MCCC1: variants seen among roughly 807,000 people sequenced by gnomAD.
MCCC1 encodes the protein methylcrotonyl-CoA carboxylase subunit 1, also known as methylcrotonoyl-CoA carboxylase subunit alpha, mitochondrial.
MCCC1 carries 64 observed loss-of-function variants against 83.8 expected under a neutral mutation model. The ratio of observed to expected loss-of-function variants is 0.76; its 90% CI spans 0.62 to 0.94. The LOEUF (loss-of-function observed/expected upper bound fraction) is 0.94, where lower values mean the gene tolerates loss of function less well. Among genes scored for constraint, MCCC1 ranks in the 40% least tolerant of loss-of-function variants. The pLI is 0.00. For synonymous variants in MCCC1, 322 were observed against 315.4 expected (o/e 1.02, Z -0.22); for missense variants, 807 against 904.7 (o/e 0.89, Z 1.39).
chr3:183,094,266 T>G (rs1718581054), intron 2 of MCCC1, among the ~76,000 whole-genome samples: 2 of 151,920 alleles, frequency 1.3e-5, no homozygotes, highest in Non-Finnish European at 2.9e-5. Flanking sequence ...TCCAGGCTGG[T>G]CTCGAACTCC....
upstream of MCCC1, among the ~76,000 whole-genome samples, chr3:183,103,263 T>C (rs574476916): frequency 7.2e-5 from 11 of 152,150 alleles, no homozygotes; most frequent in South Asian, 1.9e-3. Flanking sequence ...AGAACAAAGC[T>C]TCCACAGTGT....
upstream of MCCC1, among the ~76,000 whole-genome samples, chr3:183,102,469 T>G (rs1719327946): frequency 6.6e-6 from 1 of 152,118 alleles, no homozygotes; most frequent in Non-Finnish European, 1.5e-5. Context: ...TGATTCACTA[T>G]TAAGAAATCA....
chr3:183,070,335 T>C (rs1716565175), intron 7 of MCCC1, among the ~76,000 whole-genome samples: 4 of 152,150 alleles, frequency 2.6e-5, no homozygotes, highest in Admixed American at 2.6e-4. Context: ...AATGAATTAA[T>C]GGTATATCAA....
chr3:183,091,598 CA>C (rs915867889), intron 3 of MCCC1, among the ~76,000 whole-genome samples: 23 of 151,288 alleles, frequency 1.5e-4, no homozygotes, highest in African/African-American at 5.6e-4. Flanking sequence ...CAAAACAAAA[CA>C]AAAAAAACTA....
chr3:183,090,949 G>A (rs1364642318), intron 3 of MCCC1: 2 of 456,078 alleles, frequency 4.4e-6, no homozygotes, highest in East Asian at 1.4e-4. Flanking sequence ...CGATGGGAAA[G>A]ATGGATGCAG....
intron 13 of MCCC1, 110 bp from the exon 14 acceptor site, chr3:183,034,187 A>T: frequency 1.3e-6 from 1 of 765,560 alleles, no homozygotes; most frequent in South Asian, 1.4e-5. Context: ...ACAGTGGCTC[A>T]TGCCTGTAAT....
chr3:183,110,411 TG>T (rs376571671), intron 1 of MCCC1, among the ~76,000 whole-genome samples: 7,643 of 145,998 alleles, frequency 0.052, 308 homozygotes, highest in Admixed American at 0.093. Context: ...TTTTTTTTTT[TG>T]AGACAGAGTC....
upstream of MCCC1, chr3:183,099,537 C>T (rs942410158): frequency 7.7e-6 from 11 of 1,422,920 alleles, no homozygotes; most frequent in Middle Eastern, 3.5e-4. Flanking sequence ...TCGTGACCCC[C>T]GCCGGCCACC....
chr3:183,044,496 C>T (rs950841063), intron 10 of MCCC1, among the ~76,000 whole-genome samples: 2 of 152,144 alleles, frequency 1.3e-5, no homozygotes, highest in Non-Finnish European at 2.9e-5. Flanking sequence ...CTCATGGGCC[C>T]GCAACAGCCA....
chr3:183,063,873 C>T (rs556442437), intron 7 of MCCC1, among the ~76,000 whole-genome samples: 1 of 152,260 alleles, frequency 6.6e-6, no homozygotes, highest in African/African-American at 2.4e-5. Flanking sequence ...GATTGGCCAA[C>T]TTTGGGTAAG....
chr3:183,055,921 G>A (rs1234628015), intron 8 of MCCC1, among the ~76,000 whole-genome samples: 1 of 151,988 alleles, frequency 6.6e-6, no homozygotes, highest in African/African-American at 2.4e-5. Context: ...AAAACTATAC[G>A]TATCAATATG....
chr3:183,088,315 T>G (rs576717832), intron 3 of MCCC1, among the ~76,000 whole-genome samples: 1 of 151,830 alleles, frequency 6.6e-6, no homozygotes, highest in South Asian at 2.1e-4. Flanking sequence ...CGAGCGATTC[T>G]CCTGCCTCAG....
At chr3:183,100,945 G>C, upstream of MCCC1, among the ~76,000 whole-genome samples, 1 of 152,274 alleles carries the variant, frequency 6.6e-6, no homozygotes, top group East Asian at 1.9e-4. Flanking sequence ...TTGCGGGCCA[G>C]CTGGAGTTCC....
At chr3:183,025,289 C>A (rs949804936) in intron 15 of MCCC1, among the ~76,000 whole-genome samples, 1 of 152,134 alleles carries the variant, frequency 6.6e-6, no homozygotes, top group Non-Finnish European at 1.5e-5. Context: ...ATGGTAAATT[C>A]TACATTATGT....
intron 3 of MCCC1, among the ~76,000 whole-genome samples, chr3:183,087,218 G>A (rs1717957723): frequency 6.6e-6 from 1 of 152,172 alleles, no homozygotes; most frequent in African/African-American, 2.4e-5. Context: ...AATTATCAGA[G>A]TATGATAATG....
chr3:183,094,134 C>A (rs776344013), intron 2 of MCCC1, among the ~76,000 whole-genome samples: 1 of 150,338 alleles, frequency 6.7e-6, no homozygotes, highest in Non-Finnish European at 1.5e-5. Context: ...TTGCAACCTG[C>A]GCCTCCTGGG....
At chr3:183,031,491 CTT>C (rs66507233) in intron 14 of MCCC1, among the ~76,000 whole-genome samples, 3 of 72,694 alleles carry the variant, frequency 4.1e-5, no homozygotes, top group African/African-American at 1.1e-4. Flanking sequence ...CTTCTGGCAC[CTT>C]TTTTTTTTTT....
At chr3:183,035,851 AG>A (rs1302925785) in intron 13 of MCCC1, among the ~76,000 whole-genome samples, 1 of 151,930 alleles carries the variant, frequency 6.6e-6, no homozygotes, top group Non-Finnish European at 1.5e-5. Context: ...TAATACTTTA[AG>A]TTCTAGGGTA....
chr3:183,091,952 C>T (rs757609155), intron 3 of MCCC1, among the ~76,000 whole-genome samples: 6 of 151,638 alleles, frequency 4.0e-5, no homozygotes, highest in East Asian at 2.0e-4. Flanking sequence ...GCAGGAGAAT[C>T]GAGGCAGGAG....
Sources: allele counts gnomAD v4.1 joint callset (sites outside exome capture counted in the v4.1 genomes callset), GRCh38; gene constraint gnomAD v4.1.1; transcripts MANE v1.5; gene names NCBI Gene and HGNC (gene_info 2026-07-23, HGNC 2026-07-21).